Variants in SAMD3 observed in about 807,000 individuals in gnomAD.
The protein encoded by SAMD3 is sterile alpha motif domain-containing protein 3.
Under a neutral mutation model 58.5 loss-of-function variants are expected in SAMD3, and 63 were observed. The observed-to-expected ratio is 1.08, with a 90% CI of 0.88 to 1.33. The LOEUF (loss-of-function observed/expected upper bound fraction) is 1.33. Ranked by LOEUF, SAMD3 falls within the 40% of genes most tolerant of loss-of-function variation. SAMD3 has a pLI of 0.00. For missense variants in SAMD3, 604 were observed against 608.4 expected, an observed-to-expected ratio of 0.99 and a Z score of 0.08; for synonymous variants, 220 against 210.3, an observed-to-expected ratio of 1.05 and a Z score of -0.40.
At position 130,184,458 on chromosome 6, in the gene SAMD3, A is replaced by G; in HGVS notation, c.549T>C (p.Thr183=). 27 of 1,614,042 alleles carry G rather than the reference A, an allele frequency of 1.7e-5. No individual in the cohort carries two copies. Among genetic ancestry groups the G allele is most frequent in the Non-Finnish European group, 2.2e-5 (26 of 1,179,956 alleles). Residue 183 remains threonine, a synonymous_variant, in exon 6 of 12, where the codon ACT becomes ACC. Transcript: ENST00000439090. ...CTCACAGTGAGCCTTCCAGATACTT[A>G]GTCATGTCGGCCTGGAGAAACTCAA... is the stretch of plus-strand genomic sequence containing the variant. The part of the protein sequence containing the change: ...RIIEFLQADM[T]KYLEGSLYPS...
chr6:130,154,838 T>C lies in SAMD3; in HGVS notation c.1010A>G (p.Lys337Arg). 1 of 1,611,450 alleles carries C rather than the reference T, an allele frequency of 6.2e-7. No homozygotes were observed. The highest frequency in any genetic ancestry group is 1.1e-5 in the South Asian group (1 of 90,998). The stretch of plus-strand genomic sequence containing the variant: ...GAATAAAGATACCTGATAAGGGCAC[T>C]TCAAGAAAGGAAACAGTTTAAGAAT... ...KDILKLFPFL[K>R]CPYQMFREFQ... The change falls in exon 9 of 12, where the codon AAG becomes AGG. Residue 337 changes from lysine to arginine, a missense_variant. Coordinates refer to ENST00000439090, the MANE Select transcript of SAMD3 (RefSeq NM_001017373.4).
At chr6:130,335,454 C>A (rs1476086483) in intron 1 of SAMD3, among the ~76,000 whole-genome samples, 2 of 152,194 alleles carry the variant, frequency 1.3e-5, no homozygotes, top group African/African-American at 4.8e-5. Context: ...TCATTACATG[C>A]TATAGATACA....
chr6:130,281,009 C>T (rs774386616), intron 2 of SAMD3, among the ~76,000 whole-genome samples: 15 of 152,038 alleles, frequency 9.9e-5, no homozygotes, highest in Non-Finnish European at 1.8e-4. Context: ...ACATATGTGC[C>T]TATAATAAAG....
At chr6:130,278,841 C>T (rs1361458229) in intron 2 of SAMD3, among the ~76,000 whole-genome samples, 1 of 152,200 alleles carries the variant, frequency 6.6e-6, no homozygotes, top group African/African-American at 2.4e-5. Context: ...ATAATGCCTA[C>T]TGCACGCTCT....
At position 130,145,290 on chromosome 6, in the gene SAMD3, C is replaced by T. The variant is rs368897609; in HGVS notation, c.1278+50G>A. Reference sequence around the variant, plus strand: ...TAAGTAAATAAATAATATAAATAATCGCATGAAGATGTAAAATGTCAAACT... The same window carrying T: ...TAAGTAAATAAATAATATAAATAATTGCATGAAGATGTAAAATGTCAAACT... On this transcript the variant is annotated intron_variant, in intron 11 of 11. Coordinates refer to ENST00000439090, the MANE Select transcript of SAMD3 (RefSeq NM_001017373.4). 1.6e-5 allele frequency: 13 copies of T among 823,060 alleles called. 1 individual carries two copies. Among genetic ancestry groups the T allele is most frequent in the African/African-American group, 5.2e-5 (3 of 57,154 alleles). The allele number at this position is 823,060 out of a possible 1,614,324, so 51.0% of individuals were successfully genotyped here. A position where few individuals can be genotyped will look rare whatever the true frequency, so the allele number is the denominator to read the frequency against.
At chr6:130,202,470 A>G (rs1794724704) in intron 5 of SAMD3, among the ~76,000 whole-genome samples, 1 of 152,198 alleles carries the variant, frequency 6.6e-6, no homozygotes, top group African/African-American at 2.4e-5. Context: ...TCCCTACTGT[A>G]TCCCCAATAC....
chr6:130,202,140 G>A (rs1794701446), intron 5 of SAMD3, among the ~76,000 whole-genome samples: 1 of 152,186 alleles, frequency 6.6e-6, no homozygotes, highest in Admixed American at 6.5e-5. Flanking sequence ...ACTGTCCACA[G>A]ATATCTTCCC....
chr6:130,337,774 G>C (rs1453649432), intron 1 of SAMD3, among the ~76,000 whole-genome samples: 1 of 152,210 alleles, frequency 6.6e-6, no homozygotes, highest in Non-Finnish European at 1.5e-5. Flanking sequence ...GTGGCATTTT[G>C]CCCGTGCCGT....
chr6:130,338,921 A>G (rs1264639362), intron 1 of SAMD3, among the ~76,000 whole-genome samples: 4 of 152,130 alleles, frequency 2.6e-5, no homozygotes, highest in Non-Finnish European at 5.9e-5. Context: ...ATGAGTTAAG[A>G]CTTTGAAGGG....
chr6:130,258,078 A>G (rs1010237667), intron 2 of SAMD3, among the ~76,000 whole-genome samples: 10 of 152,158 alleles, frequency 6.6e-5, no homozygotes, highest in African/African-American at 2.4e-4. Context: ...GAATAAATAT[A>G]TAACTATTTA....
rs530851553 is a variant in SAMD3, at chr6:130,361,109, T to C, written c.-304+4011A>G. Among the ~76,000 whole-genome samples, 146 of 152,186 alleles carry C rather than the reference T, an allele frequency of 9.6e-4. 1 individual carries two copies. Among genetic ancestry groups the C allele is most frequent in the African/African-American group, 3.3e-3 (136 of 41,524 alleles). On this transcript the variant is annotated intron_variant, in intron 1 of 13. Transcript: ENST00000368134. ...GGTCCTGAGGCAACATATATCCTCC[T>C]CAGCTTACGAGATGACAGAATTAAG...
At chr6:130,308,378 C>CTATTCTATTCTATTCTATTCTATT (rs1562512902) in intron 2 of SAMD3, among the ~76,000 whole-genome samples, 3 of 132,338 alleles carry the variant, frequency 2.3e-5, no homozygotes, top group African/African-American at 8.8e-5. Flanking sequence ...CTATTCTATT[C>CTATTCTATTCTATTCTATTCTATT]TATTCTATTC....
At chr6:130,248,449 G>T (rs189864283) in intron 2 of SAMD3, among the ~76,000 whole-genome samples, 1 of 152,184 alleles carries the variant, frequency 6.6e-6, no homozygotes, top group East Asian at 1.9e-4. Flanking sequence ...GTTATAAAAT[G>T]TGCAGAAACA....
chr6:130,278,142 C>T (rs988950398), intron 2 of SAMD3, among the ~76,000 whole-genome samples: 15 of 152,166 alleles, frequency 9.9e-5, no homozygotes, highest in Non-Finnish European at 1.9e-4. Flanking sequence ...TCACTTGGCA[C>T]CACTCAGATT....
chr6:130,201,682 C>T (rs945134638), intron 5 of SAMD3, among the ~76,000 whole-genome samples: 1 of 152,182 alleles, frequency 6.6e-6, no homozygotes, highest in African/African-American at 2.4e-5. Context: ...GCCTCTATCA[C>T]ATTCCAAAAA....
At chr6:130,196,560 T>C (rs1213808325) in intron 5 of SAMD3, among the ~76,000 whole-genome samples, 1 of 152,220 alleles carries the variant, frequency 6.6e-6, no homozygotes, top group African/African-American at 2.4e-5. Context: ...AGGCAGGCTA[T>C]GCTATAGTAC....
chr6:130,234,349 A>G (rs565880388), intron 2 of SAMD3, among the ~76,000 whole-genome samples: 1 of 152,258 alleles, frequency 6.6e-6, no homozygotes, highest in African/African-American at 2.4e-5. Flanking sequence ...TTTCTCTATT[A>G]GGTTCCTTGA....
At chr6:130,282,097 TTTAC>T (rs1351451173) in intron 2 of SAMD3, among the ~76,000 whole-genome samples, 1 of 151,834 alleles carries the variant, frequency 6.6e-6, no homozygotes, top group Non-Finnish European at 1.5e-5. Flanking sequence ...GAGGCCTTGC[TTTAC>T]TTACTTAACA....
chr6:130,305,644 A>G (rs1775889490), intron 2 of SAMD3, among the ~76,000 whole-genome samples: 1 of 152,148 alleles, frequency 6.6e-6, no homozygotes, highest in African/African-American at 2.4e-5. Context: ...ATCTTTCCTG[A>G]GTCTGTAAAG....
Sources: gnomAD v4.1 joint callset for allele counts (sites outside exome capture counted in the v4.1 genomes callset) on GRCh38, gnomAD v4.1.1 for gene constraint, MANE v1.5 for transcripts, NCBI Gene and HGNC (gene_info 2026-07-23, HGNC 2026-07-21) for gene names.